The following ROBO2 variants were observed in gnomAD, a reference collection of about 807,000 sequenced individuals.
ROBO2 encodes the protein roundabout guidance receptor 2.
ROBO2 carries 53 observed loss-of-function variants against 160.8 expected under a neutral mutation model. That is an observed-to-expected ratio of 0.33 (90% confidence interval 0.26 to 0.41). The LOEUF is 0.41. ROBO2 is among the 10% of genes least tolerant of loss of function. The pLI is 1.00. For missense variants in ROBO2, 1,577 were observed against 1,722.4 expected, an observed-to-expected ratio of 0.92 and a Z score of 1.49; for synonymous variants, 664 against 611.7, an observed-to-expected ratio of 1.09 and a Z score of -1.26.
intron 2 of ROBO2, among the ~76,000 whole-genome samples, chr3:76,863,067 C>T (rs1435825832): frequency 2.6e-5 from 4 of 152,054 alleles, no homozygotes; most frequent in Non-Finnish European, 5.9e-5. Flanking sequence ...GCTGTAACTT[C>T]TATATTTCTT....
intron 2 of ROBO2, among the ~76,000 whole-genome samples, chr3:77,141,687 G>T (rs2150431967): frequency 6.6e-6 from 1 of 152,268 alleles, no homozygotes; most frequent in African/African-American, 2.4e-5. Context: ...ATGTAATTCT[G>T]GGAGGAAGAT....
chr3:76,959,081 A>G (rs2079475252), intron 2 of ROBO2, among the ~76,000 whole-genome samples: 1 of 152,218 alleles, frequency 6.6e-6, no homozygotes, highest in African/African-American at 2.4e-5. Context: ...TCTGGAATTC[A>G]CAACCAGCCA....
intron 2 of ROBO2, among the ~76,000 whole-genome samples, chr3:76,957,101 G>A (rs2079327471): frequency 6.6e-6 from 1 of 151,980 alleles, no homozygotes; most frequent in South Asian, 2.1e-4. Flanking sequence ...ATATTACTGT[G>A]AAGAAAGTAT....
At chr3:77,575,939 A>T (rs892956555) in intron 14 of ROBO2, among the ~76,000 whole-genome samples, 6 of 151,932 alleles carry the variant, frequency 3.9e-5, no homozygotes, top group African/African-American at 1.4e-4. Context: ...TGGCTATGTG[A>T]TGGTAACAAA....
intron 2 of ROBO2, among the ~76,000 whole-genome samples, chr3:76,569,175 G>C (rs908194179): frequency 5.3e-5 from 8 of 152,020 alleles, no homozygotes; most frequent in Non-Finnish European, 1.0e-4. Context: ...AGACAGTTTG[G>C]AGACAGGTAC....
At chr3:77,407,348 T>C (rs1279198708) in intron 2 of ROBO2, among the ~76,000 whole-genome samples, 3 of 152,208 alleles carry the variant, frequency 2.0e-5, no homozygotes, top group Non-Finnish European at 4.4e-5. Context: ...TTTCTTTAGA[T>C]ATTTATATGA....
intron 2 of ROBO2, among the ~76,000 whole-genome samples, chr3:76,786,255 C>G (rs2062965292): frequency 6.6e-6 from 1 of 151,196 alleles, no homozygotes; most frequent in South Asian, 2.1e-4. Context: ...ACTGAATTGT[C>G]TTATTAATAA....
intron 2 of ROBO2, among the ~76,000 whole-genome samples, chr3:77,410,702 CTCCTCCTCCTCCTCT>C (rs1229536335): frequency 1.2e-4 from 12 of 97,620 alleles, no homozygotes; most frequent in Middle Eastern, 5.2e-3. Context: ...CCTCCTCTTC[CTCCTCCTCCTCCTCT>C]TCCTCCTCCT....
At position 77,109,127 on chromosome 3, in the gene ROBO2, G is replaced by A. The variant is rs116108259; in HGVS notation, c.388+10787G>A. Reference sequence around the variant, plus strand: ...AAAGGTTGATAGAAATTTAAAAAACGCATCTGTAGTTCAAGTGAAGATTTA... The same window carrying A: ...AAAGGTTGATAGAAATTTAAAAAACACATCTGTAGTTCAAGTGAAGATTTA... On this transcript the variant is annotated intron_variant, in intron 2 of 25. Transcript: ENST00000461745. 4.0e-3 allele frequency among the ~76,000 whole-genome samples: 604 copies of A among 152,242 alleles called. 8 individuals are homozygous for A. The highest frequency in any genetic ancestry group is 0.014 in the Middle Eastern group (4 of 294).
intron 1 of ROBO2, among the ~76,000 whole-genome samples, chr3:77,051,462 T>G (rs943403639): frequency 3.3e-5 from 5 of 152,164 alleles, no homozygotes; most frequent in African/African-American, 9.7e-5. Context: ...GGAATTCTTA[T>G]TACACTTTCC....
chr3:77,107,787 T>C (rs28444944), intron 2 of ROBO2, among the ~76,000 whole-genome samples: 1 of 152,088 alleles, frequency 6.6e-6, no homozygotes, highest in Non-Finnish European at 1.5e-5. Flanking sequence ...ATCACATTTT[T>C]TGTGTGTGAT....
chr3:77,204,009 A>G (rs1187855379), intron 2 of ROBO2, among the ~76,000 whole-genome samples: 5 of 152,176 alleles, frequency 3.3e-5, no homozygotes, highest in African/African-American at 9.7e-5. Context: ...ACAGCCCACA[A>G]TTTGGCCTGG....
chr3:77,430,213 A>G (rs2078633681), intron 2 of ROBO2, among the ~76,000 whole-genome samples: 1 of 152,106 alleles, frequency 6.6e-6, no homozygotes, highest in South Asian at 2.1e-4. Flanking sequence ...AATGGTGACT[A>G]GAAGGGTGAG....
In ROBO2 at chr3:76,555,403, A is replaced by AAG. The variant is rs1227880211; in HGVS notation, c.110-542609_110-542608dup. Among the ~76,000 whole-genome samples, 23 of 71,768 alleles carry AAG rather than the reference A, an allele frequency of 3.2e-4. 1 individual carries two copies. Among genetic ancestry groups the AAG allele is most frequent in the Non-Finnish European group, 8.0e-4 (20 of 24,884 alleles). 47.1% of individuals were successfully genotyped at this position (71,768 alleles called of 152,430 possible). A position where few individuals can be genotyped will look rare whatever the true frequency, so the allele number is the denominator to read the frequency against. On this transcript the variant is annotated intron_variant, in intron 2 of 26. Transcript: ENST00000487694. ...GAAGAAGAAGAAGAAGAAGAAGAAG[A>AAG]AGAAGAAGAAGAAGAAAGAAGGAGA...
chr3:76,245,880 C>A (rs921289689), intron 2 of ROBO2, among the ~76,000 whole-genome samples: 2 of 152,144 alleles, frequency 1.3e-5, no homozygotes, highest in East Asian at 1.9e-4. Flanking sequence ...CCAACAGCCA[C>A]ACTAAGTTGT....
chr3:77,500,852 G>A (rs2087488040), intron 5 of ROBO2, among the ~76,000 whole-genome samples: 1 of 152,172 alleles, frequency 6.6e-6, no homozygotes, highest in Non-Finnish European at 1.5e-5. Flanking sequence ...TCTCAGCTTA[G>A]GAACAATGCT....
At chr3:77,209,432 T>TA (rs148357086) in intron 2 of ROBO2, among the ~76,000 whole-genome samples, 3,567 of 151,750 alleles carry the variant, frequency 0.024, 180 homozygotes, top group East Asian at 0.22. Context: ...ACGTTCAAGG[T>TA]AAAAAAAAGC....
intron 2 of ROBO2, among the ~76,000 whole-genome samples, chr3:76,402,558 T>C (rs2077895034): frequency 6.6e-6 from 1 of 151,550 alleles, no homozygotes; most frequent in East Asian, 1.9e-4. Flanking sequence ...CCAACTAAAA[T>C]TAAATTGTCA....
At chr3:76,442,359 C>G (rs2076963428) in intron 2 of ROBO2, among the ~76,000 whole-genome samples, 1 of 152,134 alleles carries the variant, frequency 6.6e-6, no homozygotes, top group Non-Finnish European at 1.5e-5. Flanking sequence ...TAAATCTCTC[C>G]AGAGACTTCT....
Sources: allele counts gnomAD v4.1 joint callset (sites outside exome capture counted in the v4.1 genomes callset), GRCh38; gene constraint gnomAD v4.1.1; transcripts MANE v1.5; gene names NCBI Gene and HGNC (gene_info 2026-07-23, HGNC 2026-07-21).